Variants in RBFOX1 observed in about 807,000 individuals in gnomAD.
RBFOX1 encodes RNA binding fox-1 homolog 1, also known as RNA binding protein fox-1 homolog 1.
A neutral mutation model predicts 57.7 loss-of-function variants in RBFOX1; 8 were observed. That is an observed-to-expected ratio of 0.14 (90% CI 0.08 to 0.25). RBFOX1 has a LOEUF of 0.25. Ranked by LOEUF, RBFOX1 falls within the 10% of genes least tolerant of loss-of-function variation. The probability of loss-of-function intolerance (pLI) is 1.00; values close to 1 mark genes in which losing one functional copy is unlikely to be tolerated. For synonymous variants in RBFOX1, 326 were observed against 222.4 expected (o/e 1.47, Z -4.15); for missense variants, 611 against 548.5 (o/e 1.11, Z -1.14).
chr16:6,446,183 C>A (rs551399568), intron 2 of RBFOX1, among the ~76,000 whole-genome samples: 1 of 151,970 alleles, frequency 6.6e-6, no homozygotes, highest in South Asian at 2.1e-4. Flanking sequence ...TCAAATTATT[C>A]ATTAGAGCCA....
chr16:7,019,199 A>T (rs572139800), intron 3 of RBFOX1, among the ~76,000 whole-genome samples: 33 of 152,214 alleles, frequency 2.2e-4, no homozygotes, highest in African/African-American at 7.9e-4. Flanking sequence ...TATTTTATAT[A>T]AAATTATATA....
intron 11 of RBFOX1, 67 bp from the exon 12 acceptor site, chr16:7,653,748 T>C (rs1279944182): frequency 6.3e-7 from 1 of 1,596,266 alleles, no homozygotes; most frequent in African/African-American, 1.3e-5. Context: ...CCGGGGCAGT[T>C]CCCTCCACAG....
At position 5,755,303 on chromosome 16, in the gene RBFOX1, C is replaced by G. The variant is rs540876991; in HGVS notation, c.319-112000C>G. Among the ~76,000 whole-genome samples the G allele has an allele frequency of 9.2e-5, 14 of 151,858 alleles. No individual in the cohort carries two copies. In the South Asian group the frequency reaches 2.7e-3, roughly 29 times the overall value. Reference sequence around the variant, plus strand: ...AACAAAATGGAGTCTCCTATGTCTACTTCTTTCTACACAGACACAGTAACA... The same window carrying G: ...AACAAAATGGAGTCTCCTATGTCTAGTTCTTTCTACACAGACACAGTAACA... On this transcript the variant is annotated intron_variant, in intron 3 of 19. Transcript: ENST00000641259.
intron 3 of RBFOX1, among the ~76,000 whole-genome samples, chr16:7,023,744 T>A (rs367624232): frequency 1.3e-5 from 2 of 152,196 alleles, no homozygotes; most frequent in African/African-American, 4.8e-5. Context: ...GTATCACTTA[T>A]CAATCCCTGT....
intron 2 of RBFOX1, among the ~76,000 whole-genome samples, chr16:5,516,342 C>T (rs2043792077): frequency 6.6e-6 from 1 of 152,090 alleles, no homozygotes; most frequent in Non-Finnish European, 1.5e-5. Context: ...CACTTCCTGT[C>T]TCCCATTATT....
intron 3 of RBFOX1, among the ~76,000 whole-genome samples, chr16:5,701,492 G>A (rs2051046322): frequency 6.6e-6 from 1 of 151,026 alleles, no homozygotes; most frequent in Non-Finnish European, 1.5e-5. Flanking sequence ...TTTTTTTCTG[G>A]AATGCAGTAG....
intron 2 of RBFOX1, among the ~76,000 whole-genome samples, chr16:6,519,173 C>T (rs1325070304): frequency 6.6e-6 from 1 of 152,042 alleles, no homozygotes; most frequent in East Asian, 1.9e-4. Flanking sequence ...GGGGAACCGT[C>T]TGTGTAATTT....
intron 1 of RBFOX1, among the ~76,000 whole-genome samples, chr16:5,461,211 A>G (rs1335073259): frequency 1.3e-5 from 2 of 152,088 alleles, no homozygotes; most frequent in African/African-American, 2.4e-5. Context: ...GAATGGCTGC[A>G]TCTCTAATAG....
At chr16:7,464,010 C>A (rs1213269901) in intron 4 of RBFOX1, among the ~76,000 whole-genome samples, 1 of 152,198 alleles carries the variant, frequency 6.6e-6, no homozygotes, top group East Asian at 1.9e-4. Flanking sequence ...GAGACCCTAG[C>A]CAGGAGGTCT....
At chr16:6,061,640 ATTC>A (rs2095687563) in intron 1 of RBFOX1, among the ~76,000 whole-genome samples, 2 of 152,060 alleles carry the variant, frequency 1.3e-5, no homozygotes, top group Admixed American at 6.6e-5. Flanking sequence ...TCAGAAATTT[ATTC>A]TTAACAATAT....
At chr16:5,290,103 A>G (rs1250133155) in intron 1 of RBFOX1, among the ~76,000 whole-genome samples, 2 of 152,256 alleles carry the variant, frequency 1.3e-5, no homozygotes, top group African/African-American at 2.4e-5. Flanking sequence ...TATTATGCTA[A>G]GTGGAAGAAA....
At chr16:5,665,349 G>C (rs2049805984) in intron 3 of RBFOX1, among the ~76,000 whole-genome samples, 1 of 151,978 alleles carries the variant, frequency 6.6e-6, no homozygotes, top group Non-Finnish European at 1.5e-5. Flanking sequence ...TCCTCCTCCA[G>C]GTTTGGCTTT....
At chr16:5,250,002 A>G (rs1359617018) in intron 1 of RBFOX1, among the ~76,000 whole-genome samples, 1 of 151,770 alleles carries the variant, frequency 6.6e-6, no homozygotes, top group Non-Finnish European at 1.5e-5. Context: ...AGGAGGTTGC[A>G]GTGAGGAGGA....
At chr16:6,083,493 T>C (rs77479316) in intron 1 of RBFOX1, among the ~76,000 whole-genome samples, 5,092 of 152,226 alleles carry the variant, frequency 0.033, 310 homozygotes, top group African/African-American at 0.12. Flanking sequence ...GTTTTGGTTT[T>C]TGAGATAGGG....
At chr16:6,917,796 G>C (rs2073554398) in intron 3 of RBFOX1, among the ~76,000 whole-genome samples, 1 of 152,158 alleles carries the variant, frequency 6.6e-6, no homozygotes, top group Non-Finnish European at 1.5e-5. Flanking sequence ...CTCAGTAGCA[G>C]ACCTTCAGCT....
intron 4 of RBFOX1, among the ~76,000 whole-genome samples, chr16:7,079,928 G>A (rs951899407): frequency 2.0e-5 from 3 of 151,472 alleles, no homozygotes; most frequent in African/African-American, 7.3e-5. Flanking sequence ...GGTGATGGTT[G>A]CCCAACAATG....
At chr16:6,767,892 C>A (rs959995613) in intron 3 of RBFOX1, among the ~76,000 whole-genome samples, 2 of 147,166 alleles carry the variant, frequency 1.4e-5, no homozygotes, top group African/African-American at 5.1e-5. Flanking sequence ...CCAGCCTGGG[C>A]AACAGAGTAA....
intron 2 of RBFOX1, among the ~76,000 whole-genome samples, chr16:5,526,282 C>T (rs982921258): frequency 8.1e-6 from 1 of 123,602 alleles, no homozygotes; most frequent in Non-Finnish European, 1.8e-5. Context: ...TGTTTCCACT[C>T]CCTTTATTAT....
chr16:7,693,277 T>A, intron 14 of RBFOX1: 1 of 1,592,582 alleles, frequency 6.3e-7, no homozygotes, highest in Non-Finnish European at 8.6e-7. Context: ...CATTTCCCCC[T>A]GAGCGAGCAG....
Sources: allele counts gnomAD v4.1 joint callset (sites outside exome capture counted in the v4.1 genomes callset), GRCh38; gene constraint gnomAD v4.1.1; transcripts MANE v1.5; gene names NCBI Gene and HGNC (gene_info 2026-07-23, HGNC 2026-07-21).